DOCK8: variants seen among roughly 807,000 people sequenced by gnomAD.
The protein encoded by DOCK8 is dedicator of cytokinesis 8, also known as dedicator of cytokinesis protein 8.
DOCK8 carries 141 observed loss-of-function variants against 245.6 expected under a neutral mutation model. The ratio of observed to expected loss-of-function variants is 0.57; its 90% confidence interval spans 0.50 to 0.66. DOCK8 has a LOEUF of 0.66. DOCK8 is among the 30% of genes least tolerant of loss of function. The pLI, the probability that DOCK8 is intolerant of heterozygous loss-of-function variation, is 0.00. For missense variants in DOCK8, 2,965 were observed against 2,603.4 expected (o/e 1.14, Z -3.02); for synonymous variants, 1,168 against 970.2 (o/e 1.20, Z -3.79).
intron 1 of DOCK8, among the ~76,000 whole-genome samples, chr9:221,358 C>T (rs2046878169): frequency 6.6e-6 from 1 of 152,028 alleles, no homozygotes; most frequent in South Asian, 2.1e-4. Flanking sequence ...CAGCCAACCA[C>T]AGATCAAAAA....
intron 41 of DOCK8, 128 bp downstream of exon 41, chr9:441,545 T>C (rs2057096484): frequency 1.4e-6 from 2 of 1,430,264 alleles, no homozygotes; most frequent in East Asian, 4.8e-5. Flanking sequence ...CTCTCACCTG[T>C]CAAACAGAAA....
chr9:246,015 T>A (rs954967105), intron 1 of DOCK8, among the ~76,000 whole-genome samples: 5 of 151,922 alleles, frequency 3.3e-5, no homozygotes. Context: ...AGCTCAGGAG[T>A]TCTAGACCAA....
intron 4 of DOCK8, among the ~76,000 whole-genome samples, chr9:301,188 T>A (rs1281789857): frequency 6.6e-6 from 1 of 152,038 alleles, no homozygotes. Context: ...TGGTTCACCA[T>A]ACACAAATCA....
intron 9 of DOCK8, among the ~76,000 whole-genome samples, chr9:330,991 C>T (rs1015654020): frequency 2.6e-5 from 4 of 152,268 alleles, no homozygotes; most frequent in Non-Finnish European, 4.4e-5. Flanking sequence ...TGCATGAAGC[C>T]GTGGCATTCC....
At chr9:259,269 C>G (rs2047859084) in intron 1 of DOCK8, among the ~76,000 whole-genome samples, 1 of 152,084 alleles carries the variant, frequency 6.6e-6, no homozygotes, top group Non-Finnish European at 1.5e-5. Flanking sequence ...CGCCACTGCA[C>G]TCAGCCTGGG....
At chr9:427,982 T>C (rs982128337) in intron 34 of DOCK8, among the ~76,000 whole-genome samples, 6 of 152,224 alleles carry the variant, frequency 3.9e-5, no homozygotes, top group Non-Finnish European at 4.4e-5. Flanking sequence ...TTTAGAAACA[T>C]TGCTGCCACC....
At chr9:461,949 T>G (rs1391144781) in intron 46 of DOCK8, among the ~76,000 whole-genome samples, 1 of 151,992 alleles carries the variant, frequency 6.6e-6, no homozygotes, top group African/African-American at 2.4e-5. Flanking sequence ...TCATGGATTT[T>G]ATACCTTTTA....
rs187810274 is a variant in DOCK8 at position 372,334 on chromosome 9, T to C, written c.2109+48T>C. On this transcript the variant is annotated intron_variant, in intron 18 of 47. Coordinates refer to ENST00000432829, the MANE Select transcript of DOCK8 (RefSeq NM_203447.4). ...GCTGTTTCTTGTCCAGCTGTAGTCT[T>C]GGACCACCTTCCCAGACTCACTTTC... 17 of 1,441,776 alleles carry C rather than the reference T, an allele frequency of 1.2e-5. No homozygotes were observed. In the Admixed American group the frequency reaches 2.7e-4, roughly 23 times the overall value. The allele number at this position is 1,441,776 out of a possible 1,614,324, so 89.3% of individuals were successfully genotyped here. A position where few individuals can be genotyped will look rare whatever the true frequency, so the allele number is the denominator to read the frequency against.
At chr9:249,761 G>C (rs1397655325) in intron 1 of DOCK8, among the ~76,000 whole-genome samples, 2 of 151,462 alleles carry the variant, frequency 1.3e-5, no homozygotes, top group Non-Finnish European at 2.9e-5. Context: ...GGGATTACAG[G>C]TGCCCACCAC....
chr9:292,043 C>G (rs1162454294), intron 4 of DOCK8, among the ~76,000 whole-genome samples: 3 of 128,978 alleles, frequency 2.3e-5, no homozygotes, highest in Non-Finnish European at 4.7e-5. Flanking sequence ...GCACACCAGC[C>G]CAGGCAACAG....
rs71509946 is a variant in DOCK8, at chr9:311,815, G to A, written c.529-139G>A. On this transcript the variant is annotated intron_variant, in intron 5 of 47. Coordinates refer to ENST00000432829, the MANE Select transcript of DOCK8 (RefSeq NM_203447.4). Reference sequence around the variant, plus strand: ...CTGAGATGTCATTCTTATCAAATCCGCAGTTTCTTCAGAAGACTTGAGGCC... The same window carrying A: ...CTGAGATGTCATTCTTATCAAATCCACAGTTTCTTCAGAAGACTTGAGGCC... The A allele has an allele frequency of 1.5e-3, 1,482 of 1,021,806 alleles. 3 individuals are homozygous for A. Among genetic ancestry groups the A allele is most frequent in the Non-Finnish European group, 1.7e-3 (1,137 of 656,434 alleles). The allele number at this position is 1,021,806 out of a possible 1,614,324, so 63.3% of individuals were successfully genotyped here.
rs140099068 is a variant in DOCK8 at position 355,639 on chromosome 9, A to T, written c.1680-12379A>T. 2.6e-3 allele frequency among the ~76,000 whole-genome samples: 389 copies of T among 152,352 alleles called. 5 individuals are homozygous for T. Among genetic ancestry groups the T allele is most frequent in the African/African-American group, 8.9e-3 (370 of 41,574 alleles). ...CTCCAAAGAAATAAGCCTGCAAAAT[A>T]GGGAAAAGTTGTTTTTTACCTAGAA... On this transcript the variant is annotated intron_variant, in intron 14 of 47. Coordinates refer to ENST00000432829, the MANE Select transcript of DOCK8 (RefSeq NM_203447.4).
In DOCK8 at chr9:340,213, C is replaced by T; in HGVS notation, c.1571C>T (p.Thr524Ile). The change falls in exon 14 of 48, where the codon ACT (threonine) becomes ATT (isoleucine). Residue 524 changes from threonine (T) to isoleucine (I), a missense_variant. Thr to Ile is a moderately conservative substitution (Grantham distance 89). Transcript: ENST00000432829. ...TAPEIINCCL[T>I]PEMLPVKPFP... ...CCAGAGATCATCAATTGCTGTCTGACTCCTGAAATGCTGCCCGTGAAACCC... is the reference window on the plus strand; with the variant it reads ...CCAGAGATCATCAATTGCTGTCTGATTCCTGAAATGCTGCCCGTGAAACCC... 1 of 1,614,184 alleles carries T rather than the reference C, an allele frequency of 6.2e-7. No individual in the cohort carries two copies. The highest frequency in any genetic ancestry group is 8.5e-7 in the Non-Finnish European group (1 of 1,180,028).
At chr9:436,045 A>G (rs2056889301) in intron 39 of DOCK8, among the ~76,000 whole-genome samples, 1 of 152,244 alleles carries the variant, frequency 6.6e-6, no homozygotes, top group Admixed American at 6.5e-5. Flanking sequence ...ATGTTGTATG[A>G]ACCAGAAAGA....
At chr9:357,769 C>A (rs991020152) in intron 14 of DOCK8, among the ~76,000 whole-genome samples, 1 of 152,162 alleles carries the variant, frequency 6.6e-6, no homozygotes, top group Non-Finnish European at 1.5e-5. Context: ...TCTAATCTTG[C>A]GCCATTTCCC....
intron 39 of DOCK8, 107 bp from the exon 40 acceptor site, chr9:439,138 G>A: frequency 7.1e-7 from 1 of 1,415,664 alleles, no homozygotes; most frequent in South Asian, 1.2e-5. Flanking sequence ...TCACGGTCTT[G>A]GTAAGGATCT....
chr9:279,366 T>C (rs1298651153), intron 2 of DOCK8, among the ~76,000 whole-genome samples: 1 of 152,230 alleles, frequency 6.6e-6, no homozygotes, highest in African/African-American at 2.4e-5. Context: ...TATAAACTTG[T>C]AATTTTAAAA....
rs373733561 is a variant in DOCK8, at chr9:354,070, G to A, written c.1679+13749G>A. On this transcript the variant is annotated intron_variant, in intron 14 of 47. Transcript: ENST00000432829. Reference sequence around the variant, plus strand: ...TTTGTGGCCGGGCACGGTGGCTCACGCCTGTAATCCCAGCACTTTGGGAGG... The same window carrying A: ...TTTGTGGCCGGGCACGGTGGCTCACACCTGTAATCCCAGCACTTTGGGAGG... Among the ~76,000 whole-genome samples, 392 of 152,204 alleles carry A rather than the reference G, an allele frequency of 2.6e-3. 5 individuals carry two copies. Among genetic ancestry groups the A allele is most frequent in the African/African-American group, 9.0e-3 (373 of 41,480 alleles).
At chr9:390,278 C>G (rs901048056) in intron 23 of DOCK8, among the ~76,000 whole-genome samples, 193 bp from the exon 24 acceptor site, 2 of 152,158 alleles carry the variant, frequency 1.3e-5, no homozygotes, top group Non-Finnish European at 2.9e-5. Flanking sequence ...TTCTATGCAC[C>G]GAAATGTCCT....
Sources: gnomAD v4.1 joint callset for allele counts (sites outside exome capture counted in the v4.1 genomes callset) on GRCh38, gnomAD v4.1.1 for gene constraint, MANE v1.5 for transcripts, NCBI Gene and HGNC (gene_info 2026-07-23, HGNC 2026-07-21) for gene names.